The following PBX3 variants were observed in gnomAD, a reference collection of about 807,000 sequenced individuals.
The protein encoded by PBX3 is PBX homeobox 3, also known as pre-B-cell leukemia transcription factor 3.
A neutral mutation model predicts 48.5 loss-of-function variants in PBX3; 14 were observed. The observed-to-expected ratio is 0.29, with a 90% confidence interval of 0.19 to 0.45. The LOEUF is 0.45. Ranked by LOEUF, PBX3 falls within the 20% of genes least tolerant of loss-of-function variation. PBX3 has a pLI of 1.00. For missense variants in PBX3, 386 were observed against 546.7 expected, an observed-to-expected ratio of 0.71 and a Z score of 2.93; for synonymous variants, 210 against 200.3, an observed-to-expected ratio of 1.05 and a Z score of -0.41.
intron 5 of PBX3, 87 bp downstream of exon 5, chr9:125,935,694 T>C (rs1421765446): frequency 1.7e-6 from 2 of 1,209,834 alleles, no homozygotes; most frequent in African/African-American, 1.5e-5. Context: ...AAATTTCATA[T>C]CCAAATGTTC....
chr9:125,913,487 C>T (rs1841252979), intron 2 of PBX3, among the ~76,000 whole-genome samples: 1 of 152,004 alleles, frequency 6.6e-6, no homozygotes, highest in Non-Finnish European at 1.5e-5. Flanking sequence ...TATTTATATA[C>T]ATATGTATAA....
intron 2 of PBX3, among the ~76,000 whole-genome samples, chr9:125,847,884 A>G (rs1839469615): frequency 6.6e-6 from 1 of 151,954 alleles, no homozygotes; most frequent in Admixed American, 6.6e-5. Context: ...ATTAAGTGCT[A>G]TCTCCCCTAA....
chr9:125,900,930 AT>A (rs1025328136), intron 2 of PBX3, among the ~76,000 whole-genome samples: 10 of 151,758 alleles, frequency 6.6e-5, no homozygotes, highest in Non-Finnish European at 1.3e-4. Flanking sequence ...TTAAATTATA[AT>A]TTATTCTCTA....
intron 2 of PBX3, among the ~76,000 whole-genome samples, chr9:125,818,213 A>T (rs1377785928): frequency 6.6e-6 from 1 of 152,082 alleles, no homozygotes; most frequent in Non-Finnish European, 1.5e-5. Context: ...AAAACCAAAA[A>T]AAAAACAAAA....
At chr9:125,876,253 A>C (rs1331248706) in intron 2 of PBX3, among the ~76,000 whole-genome samples, 1 of 152,222 alleles carries the variant, frequency 6.6e-6, no homozygotes, top group African/African-American at 2.4e-5. Context: ...TTATTTAAGA[A>C]TGGAATTAAA....
At chr9:125,878,884 T>C (rs918780213) in intron 2 of PBX3, among the ~76,000 whole-genome samples, 1 of 152,182 alleles carries the variant, frequency 6.6e-6, no homozygotes, top group African/African-American at 2.4e-5. Flanking sequence ...TATTTTCACC[T>C]TCTTATGTAG....
intron 2 of PBX3, among the ~76,000 whole-genome samples, chr9:125,853,429 C>G (rs952571641): frequency 1.3e-5 from 2 of 152,028 alleles, no homozygotes; most frequent in African/African-American, 4.8e-5. Context: ...GTAGATAATA[C>G]CTGTTTGTAA....
At chr9:125,830,633 A>G (rs1231688724) in intron 2 of PBX3, among the ~76,000 whole-genome samples, 2 of 152,202 alleles carry the variant, frequency 1.3e-5, no homozygotes, top group Non-Finnish European at 2.9e-5. Flanking sequence ...TAACATTAAT[A>G]CTAATGATGA....
At chr9:125,834,547 C>T (rs1432509861) in intron 2 of PBX3, among the ~76,000 whole-genome samples, 4 of 151,494 alleles carry the variant, frequency 2.6e-5, no homozygotes, top group Non-Finnish European at 5.9e-5. Flanking sequence ...ACAGGCACCA[C>T]CACTGCGACC....
intron 2 of PBX3, among the ~76,000 whole-genome samples, chr9:125,846,174 A>C (rs1839422833): frequency 6.6e-6 from 1 of 152,080 alleles, no homozygotes; most frequent in Non-Finnish European, 1.5e-5. Context: ...TTAGCTAGAA[A>C]TTATTATATA....
At chr9:125,962,891 A>G in intron 7 of PBX3, 121 bp from the exon 8 acceptor site, 1 of 457,140 alleles carries the variant, frequency 2.2e-6, no homozygotes, top group Non-Finnish European at 4.0e-6. Context: ...TGATTGATAA[A>G]TTTGTCTTTC....
rs1462415478 is a variant in PBX3, at chr9:125,966,445, G to C, written c.*522G>C. 6.5e-6 allele frequency: 1 copy of C among 152,758 alleles called. No homozygotes were observed. Among genetic ancestry groups the C allele is most frequent in the South Asian group, 2.1e-4 (1 of 4,846 alleles). 9.5% of individuals were successfully genotyped at this position (152,758 alleles called of 1,614,324 possible). On this transcript the variant is annotated 3_prime_UTR_variant, in exon 9 of 9. Coordinates refer to ENST00000373489, the MANE Select transcript of PBX3 (RefSeq NM_006195.6). The stretch of plus-strand genomic sequence containing the variant: ...TGTGTTTAAGAATCTTCCTCGTCAC[G>C]TTTGTGTTCAGATCTCTTATGTTAT...
intron 5 of PBX3, among the ~76,000 whole-genome samples, chr9:125,959,641 C>T (rs1484759290): frequency 6.6e-6 from 1 of 152,220 alleles, no homozygotes; most frequent in Admixed American, 6.5e-5. Flanking sequence ...CCTTACGTCT[C>T]TTCAGGGCCC....
chr9:125,797,163 T>C (rs1457991523), intron 2 of PBX3, among the ~76,000 whole-genome samples: 1 of 152,128 alleles, frequency 6.6e-6, no homozygotes, highest in African/African-American at 2.4e-5. Context: ...AGCAGAAATA[T>C]ATTTTAAAAA....
chr9:125,899,510 T>C (rs1210246507), intron 2 of PBX3, among the ~76,000 whole-genome samples: 2 of 110,932 alleles, frequency 1.8e-5, no homozygotes, highest in South Asian at 6.0e-4. Context: ...GCAGGGGAGG[T>C]TATTGTCAGA....
intron 2 of PBX3, among the ~76,000 whole-genome samples, chr9:125,851,889 T>A (rs1839591864): frequency 6.7e-6 from 1 of 149,766 alleles, no homozygotes; most frequent in African/African-American, 2.5e-5. Flanking sequence ...TTTTTTTTTT[T>A]ACAAAGAGGC....
At chr9:125,847,342 A>G (rs1017867241) in intron 2 of PBX3, among the ~76,000 whole-genome samples, 1 of 152,004 alleles carries the variant, frequency 6.6e-6, no homozygotes, top group African/African-American at 2.4e-5. Flanking sequence ...CATTATTCCT[A>G]AAAGGACAAA....
intron 5 of PBX3, among the ~76,000 whole-genome samples, chr9:125,938,450 C>G (rs1841885717): frequency 6.6e-6 from 1 of 151,916 alleles, no homozygotes; most frequent in Admixed American, 6.6e-5. Context: ...CTCCATAGAC[C>G]ATTTAAAGTT....
chr9:125,839,091 G>A (rs1470920694), intron 2 of PBX3, among the ~76,000 whole-genome samples: 1 of 152,136 alleles, frequency 6.6e-6, no homozygotes, highest in African/African-American at 2.4e-5. Flanking sequence ...AGGTTGCCTT[G>A]AGGAAGTAAC....
Sources: gnomAD v4.1 joint callset for allele counts (sites outside exome capture counted in the v4.1 genomes callset) on GRCh38, gnomAD v4.1.1 for gene constraint, MANE v1.5 for transcripts, NCBI Gene and HGNC (gene_info 2026-07-23, HGNC 2026-07-21) for gene names.